Variants in SLC47A2 observed in about 807,000 individuals in gnomAD.
SLC47A2 encodes multidrug and toxin extrusion protein 2.
In SLC47A2, 52 loss-of-function variants were observed where a neutral mutation model predicts 67.7. The ratio of observed to expected loss-of-function variants is 0.77; its 90% CI spans 0.61 to 0.97. The LOEUF (loss-of-function observed/expected upper bound fraction) is 0.97. Ranked by LOEUF, SLC47A2 falls within the 50% of genes least tolerant of loss-of-function variation. The probability of loss-of-function intolerance (pLI) is 0.00; values close to 1 mark genes in which losing one functional copy is unlikely to be tolerated. For synonymous variants in SLC47A2, 278 were observed against 292.9 expected, an observed-to-expected ratio of 0.95 and a Z score of 0.52; for missense variants, 676 against 712.3, an observed-to-expected ratio of 0.95 and a Z score of 0.58.
chr17:19,690,814 A>C (rs1257292105), intron 13 of SLC47A2, among the ~76,000 whole-genome samples: 1 of 152,004 alleles, frequency 6.6e-6, no homozygotes, highest in Non-Finnish European at 1.5e-5. Flanking sequence ...TAGGGAGGAC[A>C]TGAAGAAAAG....
In SLC47A2 at chr17:19,704,155, C is replaced by T; in HGVS notation, c.933G>A (p.Gly311=). 4 of 1,611,240 alleles carry T rather than the reference C, an allele frequency of 2.5e-6. No homozygotes were observed. The highest frequency in any genetic ancestry group is 3.4e-6 in the Non-Finnish European group (4 of 1,179,310). Residue 311 remains glycine (G), a synonymous_variant, in exon 11 of 17, where the codon GGG becomes GGA. Transcript: ENST00000433844. ...TYMIPLGLSI[G]VCVRVGMALG... is the part of the protein sequence containing the mutation. ...GAGCCATCCCCACTCGGACACAGAC[C>T]CCGATGCTGAGCCCCAAGGGAATCT...
intron 13 of SLC47A2, among the ~76,000 whole-genome samples, chr17:19,695,855 C>A (rs992274822): frequency 4.0e-5 from 6 of 151,852 alleles, no homozygotes; most frequent in African/African-American, 1.5e-4. Flanking sequence ...TCCTGAGTAG[C>A]TGGGATTACA....
chr17:19,714,544 A>G (rs1414843297), intron 3 of SLC47A2, 177 bp downstream of exon 3: 31 of 704,700 alleles, frequency 4.4e-5, no homozygotes, highest in Non-Finnish European at 7.0e-5. Context: ...TTCAAAGGGG[A>G]GGGTCTGTTT....
chr17:19,715,382 A>C (rs2086226442), intron 1 of SLC47A2, among the ~76,000 whole-genome samples, 165 bp from the exon 2 acceptor site: 2 of 152,116 alleles, frequency 1.3e-5, no homozygotes, highest in Non-Finnish European at 2.9e-5. Context: ...CCCAGCTCCC[A>C]TTCTGCGTTC....
At position 19,715,236 on chromosome 17, in the gene SLC47A2, G is replaced by A. The variant is rs1415410378; in HGVS notation, c.124-19C>T. On this transcript the variant is annotated intron_variant, in intron 1 of 16. Transcript: ENST00000433844. ...ACAGGAACTGGAGGACAGCGGCCAG[G>A]TCAGACTCGGGGCCACAGGTGCCCA... 8.1e-6 allele frequency: 13 copies of A among 1,602,312 alleles called. No homozygotes were observed. The African/African-American group carries it at 1.6e-4, about 20-fold the overall frequency.
chr17:19,703,114 C>T lies in SLC47A2; in HGVS notation c.1072G>A (p.Gly358Arg). The change falls in exon 12 of 17, where the codon GGG (glycine) becomes AGG (arginine). Residue 358 changes from glycine (G) to arginine (R), a missense_variant. Coordinates refer to ENST00000433844, the MANE Select transcript of SLC47A2 (RefSeq NM_001099646.3). ...TLISILKNQLGHIFTNDEDVI... is the reference protein window; with the variant it reads ...TLISILKNQLRHIFTNDEDVI... ...TACTCATCATTGGTAAAAATATGCC[C>T]CAGCTGATTTTTCAGGATGCTTATC... 4 of 1,614,132 alleles carry T rather than the reference C, an allele frequency of 2.5e-6. No individual in the cohort carries two copies. Among genetic ancestry groups the T allele is most frequent in the Non-Finnish European group, 3.4e-6 (4 of 1,180,026 alleles).
intron 3 of SLC47A2, 88 bp downstream of exon 3, chr17:19,714,633 C>A (rs746392891): frequency 6.1e-4 from 908 of 1,493,684 alleles, no homozygotes; most frequent in Non-Finnish European, 7.6e-4. Context: ...CACCTGGCTG[C>A]GCCCCTCCCA....
At chr17:19,718,768 G>C (rs547932441), upstream of SLC47A2, 3 of 152,402 alleles carry the variant, frequency 2.0e-5, no homozygotes, top group Non-Finnish European at 4.4e-5. Flanking sequence ...CAGGCAGAGT[G>C]GGGGGTGGGG....
At position 19,713,986 on chromosome 17, in the gene SLC47A2, C is replaced by T. The variant is rs762661154; in HGVS notation, c.295-13G>A. On this transcript the variant is annotated splice_polypyrimidine_tract_variant and intron_variant, in intron 3 of 16. Coordinates refer to ENST00000433844, the MANE Select transcript of SLC47A2 (RefSeq NM_001099646.3). ...GGCTGCCGAAGCTCTGCAAAACAGCCCGCCCCGCGTCAGCCGTTTCCACTG... is the reference window on the plus strand; with the variant it reads ...GGCTGCCGAAGCTCTGCAAAACAGCTCGCCCCGCGTCAGCCGTTTCCACTG... The T allele has an allele frequency of 1.9e-6, 3 of 1,608,318 alleles. No homozygotes were observed. The highest frequency in any genetic ancestry group is 2.2e-5 in the East Asian group (1 of 44,732).
Position 19,711,365 on chromosome 17 carries a change from G to A in SLC47A2, c.486+1338C>T, listed in dbSNP as rs115633918. 2.2e-3 allele frequency among the ~76,000 whole-genome samples: 327 copies of A among 151,136 alleles called. 1 individual carries two copies. Among genetic ancestry groups the A allele is most frequent in the African/African-American group, 7.6e-3 (315 of 41,426 alleles). Reference sequence around the variant, plus strand: ...CCAGCACTTTGGGAGGTGGAAGCGAGTGGATCACCTGAGGTCAGGAGTTCG... The same window carrying A: ...CCAGCACTTTGGGAGGTGGAAGCGAATGGATCACCTGAGGTCAGGAGTTCG... On this transcript the variant is annotated intron_variant, in intron 5 of 16. Transcript: ENST00000433844.
chr17:19,702,184 G>A, intron 13 of SLC47A2: 1 of 985,250 alleles, frequency 1.0e-6, no homozygotes, highest in South Asian at 4.7e-5. Flanking sequence ...GGAGCAGAAA[G>A]TCCAGTTCCT....
rs528396535 is a variant in SLC47A2, at chr17:19,686,688, TAA to T, written c.1165-5020_1165-5019del. On this transcript the variant is annotated intron_variant, in intron 13 of 16. Transcript: ENST00000433844. ...AAAATAGATTTCAAGACCAAAACTG[TAA>T]AAAGAGACAAGGTCATTGTATAACG... Among the ~76,000 whole-genome samples the T allele has an allele frequency of 7.2e-4, 109 of 152,204 alleles. 3 individuals are homozygous for T. The South Asian group carries it at 0.022, about 31-fold the overall frequency.
intron 13 of SLC47A2, among the ~76,000 whole-genome samples, chr17:19,697,101 C>T (rs2085680816): frequency 6.6e-6 from 1 of 152,076 alleles, no homozygotes; most frequent in South Asian, 2.1e-4. Flanking sequence ...ACCATCCTGG[C>T]TAACACGGTG....
intron 7 of SLC47A2, 51 bp from the exon 8 acceptor site, chr17:19,707,894 C>T (rs369838219): frequency 5.0e-5 from 75 of 1,505,314 alleles, no homozygotes; most frequent in African/African-American, 1.1e-4. Context: ...TCTCTGCCAC[C>T]GCCCTGCCTG....
intron 3 of SLC47A2, 76 bp downstream of exon 3, chr17:19,714,645 C>A: frequency 6.5e-7 from 1 of 1,544,390 alleles, no homozygotes; most frequent in Non-Finnish European, 8.9e-7. Flanking sequence ...CCCCTCCCAC[C>A]TGCCATCTCC....
At chr17:19,711,588 C>CAAAAAAAAAAAAAAAAAAAAAAAAAAAAA (rs35308426) in intron 5 of SLC47A2, among the ~76,000 whole-genome samples, 1 of 33,000 alleles carries the variant, frequency 3.0e-5, no homozygotes, top group Non-Finnish European at 6.0e-5. Flanking sequence ...AACTCCGTCT[C>CAAAAAAAAAAAAAAAAAAAAAAAAAAAAA]AAAAAAAAAA....
At chr17:19,681,714 C>CT in intron 13 of SLC47A2, 44 bp from the exon 14 acceptor site, 2 of 1,581,420 alleles carry the variant, frequency 1.3e-6, no homozygotes, top group Non-Finnish European at 1.7e-6. Flanking sequence ...GATGATGAGA[C>CT]TAAGAGCAGG....
chr17:19,679,805 T>C (rs2085274181), intron 16 of SLC47A2, 147 bp downstream of exon 16: 1 of 757,656 alleles, frequency 1.3e-6, no homozygotes, highest in Non-Finnish European at 2.1e-6. Flanking sequence ...TTCCTGGTGC[T>C]TAGGACATCA....
At chr17:19,684,870 C>T (rs567393592) in intron 13 of SLC47A2, among the ~76,000 whole-genome samples, 8 of 152,220 alleles carry the variant, frequency 5.3e-5, no homozygotes, top group South Asian at 2.1e-4. Flanking sequence ...CCTCTTTCTA[C>T]GGTCTCCCTC....
Sources: allele counts gnomAD v4.1 joint callset (sites outside exome capture counted in the v4.1 genomes callset), GRCh38; gene constraint gnomAD v4.1.1; transcripts MANE v1.5; gene names NCBI Gene and HGNC (gene_info 2026-07-23, HGNC 2026-07-21).